Variants in RBFOX1 observed in about 807,000 individuals in gnomAD.
RBFOX1 encodes RNA binding protein fox-1 homolog 1.
Under a neutral mutation model 57.7 loss-of-function variants are expected in RBFOX1, and 8 were observed. That is an observed-to-expected ratio of 0.14 (90% CI 0.08 to 0.25). The LOEUF is 0.25. RBFOX1 is among the 10% of genes least tolerant of loss of function. RBFOX1 has a pLI of 1.00. For synonymous variants in RBFOX1, 326 were observed against 222.4 expected, an observed-to-expected ratio of 1.47 and a Z score of -4.15; for missense variants, 611 against 548.5, an observed-to-expected ratio of 1.11 and a Z score of -1.14.
chr16:5,807,316 C>G (rs999072092), intron 3 of RBFOX1, among the ~76,000 whole-genome samples: 1 of 152,134 alleles, frequency 6.6e-6, no homozygotes, highest in Non-Finnish European at 1.5e-5. Context: ...ACCACCTGAG[C>G]ACCTCTCTTA....
chr16:5,387,224 T>A (rs1216581717), intron 1 of RBFOX1, among the ~76,000 whole-genome samples: 1 of 152,152 alleles, frequency 6.6e-6, no homozygotes, highest in Non-Finnish European at 1.5e-5. Context: ...TATACGCATG[T>A]TGAGGGATGA....
intron 15 of RBFOX1, chr16:7,709,394 A>G (rs2083525019): frequency 1.6e-6 from 2 of 1,238,680 alleles, no homozygotes; most frequent in Non-Finnish European, 2.1e-6. Context: ...TGGAATAATT[A>G]GTCATTTTGA....
At chr16:6,562,162 T>A (rs1027201482) in intron 2 of RBFOX1, among the ~76,000 whole-genome samples, 15 of 152,294 alleles carry the variant, frequency 9.8e-5, no homozygotes, top group African/African-American at 3.6e-4. Flanking sequence ...TAAGTAACAT[T>A]GTAGTCAAGA....
intron 1 of RBFOX1, among the ~76,000 whole-genome samples, chr16:5,415,362 GA>G (rs1246585052): frequency 6.6e-6 from 1 of 152,100 alleles, no homozygotes; most frequent in African/African-American, 2.4e-5. Context: ...ACAGCATAGG[GA>G]AAACCACCCC....
intron 2 of RBFOX1, among the ~76,000 whole-genome samples, chr16:6,423,445 A>C (rs899553435): frequency 6.6e-6 from 1 of 151,954 alleles, no homozygotes; most frequent in Non-Finnish European, 1.5e-5. Context: ...CTAAAAATAC[A>C]AAAATTAACC....
At chr16:6,567,310 A>G (rs2097280677) in intron 2 of RBFOX1, among the ~76,000 whole-genome samples, 1 of 152,168 alleles carries the variant, frequency 6.6e-6, no homozygotes, top group Non-Finnish European at 1.5e-5. Context: ...TGTCCTGAAC[A>G]CAGAGAGATG....
At chr16:5,291,497 G>A (rs1323720040) in intron 1 of RBFOX1, among the ~76,000 whole-genome samples, 4 of 151,972 alleles carry the variant, frequency 2.6e-5, no homozygotes, top group African/African-American at 9.7e-5. Context: ...TCTCCCTAAT[G>A]TCATGATCCA....
At chr16:7,249,918 C>G (rs2094445918) in intron 4 of RBFOX1, among the ~76,000 whole-genome samples, 1 of 152,230 alleles carries the variant, frequency 6.6e-6, no homozygotes, top group Non-Finnish European at 1.5e-5. Flanking sequence ...CCAATTTACA[C>G]TCTCAACAGT....
intron 4 of RBFOX1, among the ~76,000 whole-genome samples, chr16:7,445,891 G>A (rs2098803997): frequency 6.6e-6 from 1 of 152,138 alleles, no homozygotes; most frequent in South Asian, 2.1e-4. Flanking sequence ...TCAATTGGAT[G>A]GTGAGTATTT....
chr16:6,535,911 C>T (rs2096728660), intron 2 of RBFOX1, among the ~76,000 whole-genome samples: 1 of 152,154 alleles, frequency 6.6e-6, no homozygotes, highest in Admixed American at 6.5e-5. Context: ...TTCCTGCAGT[C>T]TCCCTCTAGA....
intron 1 of RBFOX1, among the ~76,000 whole-genome samples, chr16:5,411,522 C>T (rs1003798312): frequency 3.9e-5 from 6 of 152,198 alleles, no homozygotes; most frequent in African/African-American, 1.2e-4. Context: ...TTATTTTTAA[C>T]TTTTGACCTG....
In RBFOX1 at chr16:6,828,790, A is replaced by G. The variant is rs1035202215; in HGVS notation, c.-16+174140A>G. Among the ~76,000 whole-genome samples, 4 of 152,180 alleles carry G rather than the reference A, an allele frequency of 2.6e-5. No individual in the cohort carries two copies. The East Asian group carries it at 5.8e-4, about 22-fold the overall frequency. On this transcript the variant is annotated intron_variant, in intron 3 of 15. Transcript: ENST00000550418. Reference sequence around the variant, plus strand: ...AGCACCATGAATTCCGAGAATACCTACGTTTGGTGTAAAAATGGATGGCAT... The same window carrying G: ...AGCACCATGAATTCCGAGAATACCTGCGTTTGGTGTAAAAATGGATGGCAT...
At chr16:5,852,860 G>A (rs1186526909) in intron 3 of RBFOX1, among the ~76,000 whole-genome samples, 1 of 152,016 alleles carries the variant, frequency 6.6e-6, no homozygotes, top group African/African-American at 2.4e-5. Context: ...TGGGATATGG[G>A]TGGAGGATCA....
At chr16:5,311,211 T>A (rs2064078915) in intron 1 of RBFOX1, among the ~76,000 whole-genome samples, 1 of 152,228 alleles carries the variant, frequency 6.6e-6, no homozygotes, top group African/African-American at 2.4e-5. Context: ...ACGGTATGTT[T>A]GTATGTATGT....
chr16:6,314,637 G>A (rs1204621369), intron 1 of RBFOX1, among the ~76,000 whole-genome samples: 6 of 150,814 alleles, frequency 4.0e-5, no homozygotes, highest in Admixed American at 1.3e-4. Context: ...GGATATGTTC[G>A]GAGATGGAGG....
chr16:6,625,930 T>C (rs1398291079), intron 2 of RBFOX1, among the ~76,000 whole-genome samples: 2 of 152,198 alleles, frequency 1.3e-5, no homozygotes, highest in African/African-American at 2.4e-5. Context: ...GTTTACGTTA[T>C]CAGATAATAC....
chr16:6,707,744 C>T (rs568130292), intron 3 of RBFOX1, among the ~76,000 whole-genome samples: 2 of 152,276 alleles, frequency 1.3e-5, no homozygotes, highest in Admixed American at 6.5e-5. Context: ...ATTCCAGATT[C>T]TGCAACTTTA....
chr16:5,996,866 T>A (rs1284914776), intron 4 of RBFOX1, among the ~76,000 whole-genome samples: 1 of 152,122 alleles, frequency 6.6e-6, no homozygotes, highest in South Asian at 2.1e-4. Flanking sequence ...AAACCCACTG[T>A]TGTAAAGAAA....
intron 1 of RBFOX1, among the ~76,000 whole-genome samples, chr16:6,103,490 C>T (rs2096339872): frequency 6.6e-6 from 1 of 152,028 alleles, no homozygotes; most frequent in South Asian, 2.1e-4. Context: ...ACAAACATCC[C>T]CCAACTTTTC....
Sources: gnomAD v4.1 joint callset for allele counts (sites outside exome capture counted in the v4.1 genomes callset) on GRCh38, gnomAD v4.1.1 for gene constraint, MANE v1.5 for transcripts, NCBI Gene and HGNC (gene_info 2026-07-23, HGNC 2026-07-21) for gene names.